CABCOCO1: variants seen among roughly 807,000 people sequenced by gnomAD.
The protein encoded by CABCOCO1 is ciliary associated calcium binding coiled-coil 1, also known as ciliary-associated calcium-binding coiled-coil protein 1.
A neutral mutation model predicts 35.7 loss-of-function variants in CABCOCO1; 28 were observed. That is an observed-to-expected ratio of 0.78 (90% CI 0.58 to 1.07). CABCOCO1 has a LOEUF of 1.07. Ranked by LOEUF, CABCOCO1 falls within the 50% of genes least tolerant of loss-of-function variation. CABCOCO1 has a pLI of 0.00. For synonymous variants in CABCOCO1, 95 were observed against 100.1 expected (o/e 0.95, Z 0.30); for missense variants, 326 against 309.2 (o/e 1.05, Z -0.41).
At chr10:61,728,421 T>C (rs1841215069) in intron 5 of CABCOCO1, among the ~76,000 whole-genome samples, 1 of 152,150 alleles carries the variant, frequency 6.6e-6, no homozygotes, top group Admixed American at 6.6e-5. Context: ...GCACCAAATA[T>C]CACCCAGCCC....
chr10:61,755,274 G>T (rs1841874394), intron 5 of CABCOCO1, among the ~76,000 whole-genome samples: 1 of 151,976 alleles, frequency 6.6e-6, no homozygotes, highest in Non-Finnish European at 1.5e-5. Context: ...CATATATTGT[G>T]GGCAATGGGT....
intron 5 of CABCOCO1, among the ~76,000 whole-genome samples, chr10:61,739,957 A>T (rs1320991996): frequency 6.6e-6 from 1 of 152,216 alleles, no homozygotes; most frequent in Non-Finnish European, 1.5e-5. Flanking sequence ...AAAAATTATA[A>T]AGGAAATTTA....
At chr10:61,742,201 G>C (rs186536832) in intron 5 of CABCOCO1, among the ~76,000 whole-genome samples, 1 of 152,180 alleles carries the variant, frequency 6.6e-6, no homozygotes, top group Admixed American at 6.5e-5. Flanking sequence ...CAAGACTCGG[G>C]GGGAGACAGG....
intron 4 of CABCOCO1, among the ~76,000 whole-genome samples, chr10:61,687,789 T>C (rs971624040): frequency 2.0e-5 from 3 of 152,182 alleles, no homozygotes; most frequent in Non-Finnish European, 4.4e-5. Context: ...AAGTAGTATT[T>C]AAGAAATTAG....
intron 2 of CABCOCO1, among the ~76,000 whole-genome samples, chr10:61,675,807 C>A (rs1839496833): frequency 6.6e-6 from 1 of 151,552 alleles, no homozygotes; most frequent in African/African-American, 2.4e-5. Flanking sequence ...AGAGTAAAAC[C>A]AGTGTAGAAC....
At chr10:61,763,203 A>T (rs1014170995) in intron 7 of CABCOCO1, among the ~76,000 whole-genome samples, 23 of 152,256 alleles carry the variant, frequency 1.5e-4, no homozygotes, top group Non-Finnish European at 3.1e-4. Context: ...AAGGCAGTAA[A>T]TAATTCATGT....
chr10:61,702,341 A>G (rs1212381521), intron 5 of CABCOCO1, among the ~76,000 whole-genome samples: 2 of 152,110 alleles, frequency 1.3e-5, no homozygotes, highest in Non-Finnish European at 2.9e-5. Flanking sequence ...TGTTCTTCTC[A>G]TTAGTAAAGT....
chr10:61,715,940 A>G (rs1184048201), intron 5 of CABCOCO1, among the ~76,000 whole-genome samples: 1 of 152,086 alleles, frequency 6.6e-6, no homozygotes, highest in African/African-American at 2.4e-5. Context: ...GGCTGCCCTT[A>G]ACATTTTTTC....
At chr10:61,711,631 T>C (rs1303143811) in intron 5 of CABCOCO1, among the ~76,000 whole-genome samples, 1 of 151,992 alleles carries the variant, frequency 6.6e-6, no homozygotes, top group African/African-American at 2.4e-5. Flanking sequence ...TTTGACATCA[T>C]TGACATTTAT....
chr10:61,724,881 C>A (rs971443637), intron 5 of CABCOCO1, among the ~76,000 whole-genome samples: 13 of 152,120 alleles, frequency 8.5e-5, no homozygotes, highest in Admixed American at 3.9e-4. Context: ...TTAACAGGTG[C>A]AGCACACCAA....
At chr10:61,706,411 C>A (rs1840593616) in intron 5 of CABCOCO1, among the ~76,000 whole-genome samples, 1 of 152,118 alleles carries the variant, frequency 6.6e-6, no homozygotes, top group Admixed American at 6.6e-5. Flanking sequence ...TTTTTCAAAA[C>A]TTGAAATGTT....
At chr10:61,712,600 A>G (rs2132031151) in intron 5 of CABCOCO1, among the ~76,000 whole-genome samples, 1 of 152,284 alleles carries the variant, frequency 6.6e-6, no homozygotes, top group Admixed American at 6.5e-5. Flanking sequence ...CCTGAATGGT[A>G]CTGCCTAGGT....
chr10:61,722,747 A>G (rs949013050), intron 5 of CABCOCO1, among the ~76,000 whole-genome samples: 4 of 151,926 alleles, frequency 2.6e-5, no homozygotes, highest in Non-Finnish European at 5.9e-5. Flanking sequence ...ATAAGCACCA[A>G]TACAAAAAAA....
intron 1 of CABCOCO1, among the ~76,000 whole-genome samples, chr10:61,663,581 T>G (rs552879697): frequency 3.6e-4 from 54 of 151,936 alleles, no homozygotes; most frequent in Admixed American, 3.3e-3. Context: ...CCTAAACAAA[T>G]AAATACAGGT....
intron 5 of CABCOCO1, among the ~76,000 whole-genome samples, chr10:61,731,440 C>A (rs1841299908): frequency 6.6e-6 from 1 of 151,716 alleles, no homozygotes; most frequent in Non-Finnish European, 1.5e-5. Flanking sequence ...AAGATGAAAC[C>A]CACATAAAAT....
At chr10:61,731,745 A>T (rs987377423) in intron 5 of CABCOCO1, among the ~76,000 whole-genome samples, 1 of 121,590 alleles carries the variant, frequency 8.2e-6, no homozygotes, top group Non-Finnish European at 1.7e-5. Flanking sequence ...GGGAGGGAGG[A>T]AGGGAGGGAG....
chr10:61,677,005 A>C (rs1018692283), intron 2 of CABCOCO1, among the ~76,000 whole-genome samples: 1 of 151,958 alleles, frequency 6.6e-6, no homozygotes, highest in Non-Finnish European at 1.5e-5. Flanking sequence ...CAGAGCTTGC[A>C]GTGAGCCGGG....
intron 5 of CABCOCO1, among the ~76,000 whole-genome samples, chr10:61,749,902 T>C (rs1841743747): frequency 6.6e-6 from 1 of 152,060 alleles, no homozygotes; most frequent in African/African-American, 2.4e-5. Flanking sequence ...AAGGACCTAC[T>C]ATTTATAACG....
intron 3 of CABCOCO1, among the ~76,000 whole-genome samples, chr10:61,681,611 A>T (rs1451792469): frequency 6.6e-6 from 1 of 152,104 alleles, no homozygotes; most frequent in African/African-American, 2.4e-5. Context: ...TTCTTGTGAA[A>T]TTTTTGTAAA....
Sources: allele counts gnomAD v4.1 joint callset (sites outside exome capture counted in the v4.1 genomes callset), GRCh38; gene constraint gnomAD v4.1.1; transcripts MANE v1.5; gene names NCBI Gene and HGNC (gene_info 2026-07-23, HGNC 2026-07-21).